CERCAM: variants seen among roughly 807,000 people sequenced by gnomAD.
The protein encoded by CERCAM is cerebral endothelial cell adhesion molecule.
A neutral mutation model predicts 66.0 loss-of-function variants in CERCAM; 59 were observed. The ratio of observed to expected loss-of-function variants is 0.89; its 90% CI spans 0.73 to 1.11. The LOEUF (loss-of-function observed/expected upper bound fraction) is 1.11, where lower values mean the gene tolerates loss of function less well. CERCAM is among the 50% of genes most tolerant of loss of function. The pLI, the probability that CERCAM is intolerant of heterozygous loss-of-function variation, is 0.00. For missense variants in CERCAM, 840 were observed against 828.3 expected (o/e 1.01, Z -0.17); for synonymous variants, 318 against 343.6 (o/e 0.93, Z 0.83).
At chr9:128,433,411 T>C (rs892775929) in intron 9 of CERCAM, among the ~76,000 whole-genome samples, 6 of 152,042 alleles carry the variant, frequency 3.9e-5, no homozygotes, top group African/African-American at 1.4e-4. Context: ...AGACCATCTT[T>C]TGATGGGAAC....
intron 2 of CERCAM, 71 bp downstream of exon 2, chr9:128,423,049 C>T (rs1011808653): frequency 2.3e-5 from 37 of 1,609,150 alleles, no homozygotes; most frequent in Non-Finnish European, 3.1e-5. Context: ...AAAGGGACAG[C>T]CCAGAGCCAC....
intron 8 of CERCAM, chr9:128,430,868 AAC>A (rs1172753005): frequency 1.4e-5 from 3 of 217,444 alleles, no homozygotes; most frequent in Non-Finnish European, 2.7e-5. Context: ...AAAAAAAAAA[AAC>A]ATTAGCTGGG....
intron 8 of CERCAM, among the ~76,000 whole-genome samples, chr9:128,429,962 AT>A (rs1021888096): frequency 2.7e-5 from 4 of 146,412 alleles, no homozygotes; most frequent in African/African-American, 1.0e-4. Flanking sequence ...ATTAAAAAAA[AT>A]GTTTTGTTTT....
chr9:128,432,212 CA>C (rs1833992133), intron 9 of CERCAM, among the ~76,000 whole-genome samples: 1 of 151,744 alleles, frequency 6.6e-6, no homozygotes, highest in Non-Finnish European at 1.5e-5. Context: ...TTTTAGTAGA[CA>C]GGGGGTTTCG....
intron 5 of CERCAM, among the ~76,000 whole-genome samples, chr9:128,427,403 G>A (rs1833870162): frequency 6.6e-6 from 1 of 152,016 alleles, no homozygotes; most frequent in African/African-American, 2.4e-5. Context: ...GTGAGCTACT[G>A]TGCCCCGCCT....
intron 9 of CERCAM, among the ~76,000 whole-genome samples, 156 bp from the exon 10 acceptor site, chr9:128,433,946 T>C (rs1397449801): frequency 6.6e-6 from 1 of 152,236 alleles, no homozygotes; most frequent in East Asian, 1.9e-4. Flanking sequence ...GGTTGGGATT[T>C]CCGGTCCCAG....
chr9:128,426,545 A>G (rs965593122), intron 5 of CERCAM, among the ~76,000 whole-genome samples: 1 of 151,838 alleles, frequency 6.6e-6, no homozygotes, highest in South Asian at 2.1e-4. Context: ...GTGTGAACGC[A>G]GGAGGCAGAG....
rs1199886113 is a variant in CERCAM at position 128,434,024 on chromosome 9, A to G, written c.1204-78A>G. ...GGCCAGGCCAACTGAGGCCAGGCAG[A>G]GGCTGTGAGCTTCAGCGTGGAGGGA... On this transcript the variant is annotated intron_variant, in intron 9 of 12. Coordinates refer to ENST00000372838, the MANE Select transcript of CERCAM (RefSeq NM_016174.5). This position sits in a 1 kb window ranked among gnomAD's most constrained non-coding sequence, Gnocchi z 4.5. The G allele has an allele frequency of 8.3e-6, 13 of 1,565,488 alleles. 1 individual carries two copies. The highest frequency in any genetic ancestry group is 1.1e-5 in the Non-Finnish European group (13 of 1,153,422).
rs1056981344 is a variant in CERCAM, at chr9:128,431,306, G to A, written c.1203+3G>A. The A allele has an allele frequency of 1.2e-6, 2 of 1,613,830 alleles. No individual in the cohort carries two copies. The highest frequency in any genetic ancestry group is 1.3e-5 in the African/African-American group (1 of 74,960). On this transcript the variant is annotated splice_donor_region_variant and intron_variant, in intron 9 of 12. Transcript: ENST00000372838. ...GCCATTACTCCATCTGGGAAGAGGT[G>A]AGGGTGCCTGCTTCCTCCATCCACA...
intron 12 of CERCAM, among the ~76,000 whole-genome samples, chr9:128,436,408 C>T (rs1041506543): frequency 7.2e-5 from 11 of 152,094 alleles, no homozygotes; most frequent in Admixed American, 1.3e-4. Context: ...CCACCACGTC[C>T]GGCTAAATTT....
chr9:128,425,663 T>G (rs918069167), intron 5 of CERCAM, among the ~76,000 whole-genome samples: 18 of 151,480 alleles, frequency 1.2e-4, no homozygotes, highest in African/African-American at 4.1e-4. Context: ...AGGCATGCAC[T>G]GCCACGCCTG....
At chr9:128,435,380 C>T (rs1276212993) in intron 11 of CERCAM, among the ~76,000 whole-genome samples, 5 of 152,114 alleles carry the variant, frequency 3.3e-5, no homozygotes, top group Middle Eastern at 3.2e-3. Flanking sequence ...GTGATCCGCC[C>T]GTCTCGGCTT....
Position 128,434,678 on chromosome 9 carries a change from T to A in CERCAM, c.1535+65T>A. On this transcript the variant is annotated intron_variant, in intron 11 of 12. Transcript: ENST00000372838. The surrounding 1 kb of genome is among the most constrained non-coding windows in gnomAD (Gnocchi z 4.5). ...CGTCCCCTCCAGGAACTCACCTCAG[T>A]CAGCAGGAAGTCCCCTCACCTGGCA... 1 of 1,494,692 alleles carries A rather than the reference T, an allele frequency of 6.7e-7. No individual in the cohort carries two copies. Among genetic ancestry groups the A allele is most frequent in the Non-Finnish European group, 9.1e-7 (1 of 1,102,390 alleles). 92.6% of individuals were successfully genotyped at this position (1,494,692 alleles called of 1,614,324 possible). A position where few individuals can be genotyped will look rare whatever the true frequency, so the allele number is the denominator to read the frequency against.
chr9:128,428,261 C>G (rs1833890933), intron 5 of CERCAM, 41 bp from the exon 6 acceptor site: 1 of 1,605,242 alleles, frequency 6.2e-7, no homozygotes, highest in Non-Finnish European at 8.5e-7. Flanking sequence ...TTCTGAGAGC[C>G]CCACCCTCCA....
intron 8 of CERCAM, chr9:128,430,956 C>G (rs1415797897): frequency 1.9e-6 from 1 of 515,314 alleles, no homozygotes; most frequent in East Asian, 3.3e-5. Flanking sequence ...TTTCAGTGAG[C>G]TGAGATGGTG....
At chr9:128,433,961 T>TG (rs1428415481) in intron 9 of CERCAM, 141 bp from the exon 10 acceptor site, 1 of 1,090,648 alleles carries the variant, frequency 9.2e-7, no homozygotes, top group Admixed American at 2.7e-5. Context: ...TCCCAGGCAG[T>TG]GGGGCCCCCA....
Position 128,434,587 on chromosome 9 carries a change from GC to G in CERCAM, c.1512del (p.Ile505SerfsTer75). 6.2e-7 allele frequency: 1 copy of G among 1,609,796 alleles called. No homozygotes were observed. On this transcript the variant is annotated frameshift_variant, in exon 11 of 13. Transcript: ENST00000372838. LOFTEE classifies it high-confidence loss of function. This position sits in a 1 kb window ranked among gnomAD's most constrained non-coding sequence, Gnocchi z 4.5. ...GCATGCTGCCCGTGGACGAGTTCCT[GC>G]CCATCATGTTCGACCAGCACCCCAA... Reference protein sequence around the residue: ...RRMLPVDEFLPIMFDQHPNEQ... With the variant: ...RRMLPVDEFLXIMFDQHPNEQ...
intron 8 of CERCAM, among the ~76,000 whole-genome samples, chr9:128,429,873 C>T (rs1833935424): frequency 6.6e-6 from 1 of 151,928 alleles, no homozygotes; most frequent in Admixed American, 6.6e-5. Flanking sequence ...ACTGCAACAT[C>T]CGCCTCCCAG....
At chr9:128,435,952 G>C (rs1343562890) in intron 12 of CERCAM, 47 bp downstream of exon 12, 1 of 1,539,790 alleles carries the variant, frequency 6.5e-7, no homozygotes, top group African/African-American at 1.4e-5. Context: ...ACCTTGGCTT[G>C]CTCTCCCCTT....
Sources: gnomAD v4.1 joint callset for allele counts (sites outside exome capture counted in the v4.1 genomes callset) on GRCh38, gnomAD v4.1.1 for gene constraint, Gnocchi (gnomAD v3.1) non-coding constraint, MANE v1.5 for transcripts, NCBI Gene and HGNC (gene_info 2026-07-23, HGNC 2026-07-21) for gene names.